Variants in ABCC1 observed in about 807,000 individuals in gnomAD.
ABCC1 encodes the protein multidrug resistance-associated protein 1.
Under a neutral mutation model 172.9 loss-of-function variants are expected in ABCC1, and 83 were observed. The ratio of observed to expected loss-of-function variants is 0.48; its 90% confidence interval spans 0.40 to 0.58. The LOEUF (loss-of-function observed/expected upper bound fraction) is 0.58. ABCC1 is among the 20% of genes least tolerant of loss of function. ABCC1 has a pLI of 0.00. For synonymous variants in ABCC1, 937 were observed against 825.2 expected (o/e 1.14, Z -2.32); for missense variants, 1,817 against 2,002.7 (o/e 0.91, Z 1.77).
intron 23 of ABCC1, among the ~76,000 whole-genome samples, chr16:16,118,178 G>T (rs1485561614): frequency 1.3e-5 from 2 of 152,154 alleles, no homozygotes; most frequent in Admixed American, 1.3e-4. Flanking sequence ...AGTAGGGATG[G>T]GTTGTTTAGA....
chr16:16,068,053 C>A, intron 12 of ABCC1, 103 bp from the exon 13 acceptor site: 1 of 1,422,788 alleles, frequency 7.0e-7, no homozygotes, highest in Non-Finnish European at 9.7e-7. Flanking sequence ...CAGTTGTGGC[C>A]ACCTGGGGAG....
intron 11 of ABCC1, among the ~76,000 whole-genome samples, chr16:16,055,163 A>C (rs1013101176): frequency 1.3e-5 from 2 of 152,024 alleles, no homozygotes; most frequent in Non-Finnish European, 2.9e-5. Context: ...CCAGGAATTC[A>C]AGGCTGCAGT....
chr16:16,016,750 A>C, intron 5 of ABCC1, 129 bp downstream of exon 5: 2 of 1,323,244 alleles, frequency 1.5e-6, no homozygotes, highest in Non-Finnish European at 2.1e-6. Context: ...GATACAGGGA[A>C]TATCATCCCA....
At position 16,014,577 on chromosome 16, in the gene ABCC1, A is replaced by G; in HGVS notation, c.438A>G (p.Leu146=). ...GIMLTFWLVA[L]VCALAILRSK... ...TGCTCACTTTCTGGCTGGTAGCCCT[A>G]GTGTGTGCCCTAGCCATCCTGAGAT... Residue 146 remains leucine, a synonymous_variant, in exon 4 of 31, where the codon CTA becomes CTG. Transcript: ENST00000399410. 6.2e-7 allele frequency: 1 copy of G among 1,614,096 alleles called. No individual in the cohort carries two copies. Among genetic ancestry groups the G allele is most frequent in the Non-Finnish European group, 8.5e-7 (1 of 1,180,002 alleles).
In ABCC1 at chr16:16,134,437, A is replaced by G; in HGVS notation, c.4054A>G (p.Ile1352Val). The stretch of plus-strand genomic sequence containing the variant: ...CAACGAGTCTGCCGAAGGAGAGATC[A>G]TCATCGATGGCATCAACATCGCCAA... ...RINESAEGEI[I>V]IDGINIAKIG... Residue 1352 changes from isoleucine to valine, a missense_variant, in exon 28 of 31, where the codon ATC (isoleucine) becomes GTC (valine). Around this residue, in one of 3 missense-constraint regions of ABCC1, gnomAD observed 1,412 missense variants for 1,600.3 expected, o/e 0.88. Coordinates refer to ENST00000399410, the MANE Select transcript of ABCC1 (RefSeq NM_004996.4). 1.2e-6 allele frequency: 2 copies of G among 1,614,148 alleles called. No individual in the cohort carries two copies. The highest frequency in any genetic ancestry group is 8.5e-7 in the Non-Finnish European group (1 of 1,180,020).
At chr16:16,045,726 G>T in intron 8 of ABCC1, 110 bp from the exon 9 acceptor site, 1 of 1,060,416 alleles carries the variant, frequency 9.4e-7, no homozygotes, top group Non-Finnish European at 1.4e-6. Flanking sequence ...TGAAGTGATA[G>T]TGTCTAGCTC....
At chr16:16,109,920 C>T (rs2052311806) in intron 21 of ABCC1, among the ~76,000 whole-genome samples, 1 of 152,116 alleles carries the variant, frequency 6.6e-6, no homozygotes, top group East Asian at 1.9e-4. Context: ...GTCTCCCATG[C>T]CATGTGTGGT....
chr16:15,981,790 TC>T (rs2046625927), intron 1 of ABCC1, among the ~76,000 whole-genome samples: 1 of 152,216 alleles, frequency 6.6e-6, no homozygotes, highest in African/African-American at 2.4e-5. Context: ...CTTGAATTTT[TC>T]CCCAGAAAAT....
intron 1 of ABCC1, among the ~76,000 whole-genome samples, chr16:15,964,398 A>G (rs1478697503): frequency 6.6e-6 from 1 of 152,178 alleles, no homozygotes; most frequent in Non-Finnish European, 1.5e-5. Context: ...AAAGCATAGC[A>G]AGGATCAGGA....
In ABCC1 at chr16:16,035,746, C is replaced by T. The variant is rs566488322; in HGVS notation, c.678-726C>T. On this transcript the variant is annotated intron_variant, in intron 6 of 30. Transcript: ENST00000399410. ...CAGGGCTCACAAAATCCTCCCACCT[C>T]GGCCTCCCAGAGCGCTAGGATTATA... 1.6e-4 allele frequency among the ~76,000 whole-genome samples: 25 copies of T among 151,974 alleles called. 1 individual carries two copies. The South Asian group carries it at 3.1e-3, about 19-fold the overall frequency.
At chr16:15,952,603 G>A (rs1341625023) in intron 1 of ABCC1, among the ~76,000 whole-genome samples, 1 of 151,666 alleles carries the variant, frequency 6.6e-6, no homozygotes, top group African/African-American at 2.4e-5. Flanking sequence ...ACAGGTCACA[G>A]CAGCCCTTGG....
intron 7 of ABCC1, among the ~76,000 whole-genome samples, chr16:16,039,237 GTA>G (rs1297563785): frequency 2.0e-4 from 25 of 123,940 alleles, no homozygotes; most frequent in East Asian, 4.2e-4. Flanking sequence ...GTGTGTGTAT[GTA>G]TGTGTGTGTG....
intron 5 of ABCC1, among the ~76,000 whole-genome samples, chr16:16,023,209 T>C (rs541730642): frequency 6.6e-5 from 10 of 152,322 alleles, no homozygotes; most frequent in Middle Eastern, 3.4e-3. Flanking sequence ...CCACTGAACC[T>C]AGTTTTTTTG....
intron 18 of ABCC1, among the ~76,000 whole-genome samples, chr16:16,089,234 G>A (rs999369289): frequency 6.6e-6 from 1 of 152,130 alleles, no homozygotes; most frequent in Non-Finnish European, 1.5e-5. Context: ...GGCTGACAGC[G>A]GGAGTTGTTT....
chr16:15,999,158 A>T (rs921331929), intron 1 of ABCC1, among the ~76,000 whole-genome samples: 16 of 151,804 alleles, frequency 1.1e-4, no homozygotes, highest in African/African-American at 3.1e-4. Context: ...CCGCCACCAC[A>T]CCTGGCTAAT....
chr16:16,038,579 T>A (rs2048845659), intron 7 of ABCC1, among the ~76,000 whole-genome samples: 1 of 152,180 alleles, frequency 6.6e-6, no homozygotes, highest in East Asian at 1.9e-4. Context: ...TGGATCTTCC[T>A]TAGTCAGTCC....
intron 14 of ABCC1, 43 bp from the exon 15 acceptor site, chr16:16,076,283 C>G (rs767953110): frequency 6.3e-7 from 1 of 1,583,620 alleles, no homozygotes; most frequent in Non-Finnish European, 8.7e-7. Context: ...CATGTGGAGT[C>G]GCACAGCTCA....
chr16:16,040,081 T>TGTAC (rs1431679537), intron 7 of ABCC1, among the ~76,000 whole-genome samples: 2 of 151,192 alleles, frequency 1.3e-5, no homozygotes, highest in Non-Finnish European at 2.9e-5. Context: ...TATGTATGTA[T>TGTAC]GTATGTATGT....
intron 1 of ABCC1, among the ~76,000 whole-genome samples, chr16:15,987,151 C>T (rs915944138): frequency 1.2e-4 from 18 of 152,042 alleles, no homozygotes; most frequent in South Asian, 2.1e-4. Context: ...GGCAACAAAA[C>T]GAGACCCTGT....
Sources: allele counts gnomAD v4.1 joint callset (sites outside exome capture counted in the v4.1 genomes callset), GRCh38; gene constraint gnomAD v4.1.1; regional missense constraint gnomAD v4.1.1; transcripts MANE v1.5; gene names NCBI Gene and HGNC (gene_info 2026-07-23, HGNC 2026-07-21).